PTPN4: variants seen among roughly 807,000 people sequenced by gnomAD.
PTPN4 encodes the protein tyrosine-protein phosphatase non-receptor type 4.
PTPN4 carries 49 observed loss-of-function variants against 135.5 expected under a neutral mutation model. The observed-to-expected ratio is 0.36, with a 90% CI of 0.29 to 0.46. The LOEUF (loss-of-function observed/expected upper bound fraction) is 0.46. Among genes scored for constraint, PTPN4 ranks in the 20% least tolerant of loss-of-function variants. PTPN4 has a pLI of 1.00. For missense variants in PTPN4, 860 were observed against 1,101.0 expected (o/e 0.78, Z 3.10); for synonymous variants, 333 against 369.9 (o/e 0.90, Z 1.14).
intron 10 of PTPN4, among the ~76,000 whole-genome samples, chr2:119,912,337 G>A (rs1263328488): frequency 2.6e-5 from 4 of 152,170 alleles, no homozygotes; most frequent in Non-Finnish European, 5.9e-5. Context: ...GGAAGTGATA[G>A]ATATGTTCAC....
At chr2:119,945,281 T>C in intron 16 of PTPN4, 41 bp downstream of exon 16, 9 of 1,472,194 alleles carry the variant, frequency 6.1e-6, no homozygotes, top group Non-Finnish European at 8.1e-6. Context: ...TATTTGAATT[T>C]TTAAAATCCT....
chr2:119,946,750 A>C (rs1282901995), intron 18 of PTPN4, 176 bp downstream of exon 18: 4 of 519,914 alleles, frequency 7.7e-6, no homozygotes, highest in Non-Finnish European at 1.3e-5. Context: ...TGTTCTCTGT[A>C]AGTATTTAAA....
At chr2:119,765,914 C>CTCTG (rs143314830) in intron 1 of PTPN4, among the ~76,000 whole-genome samples, 1 of 150,260 alleles carries the variant, frequency 6.7e-6, no homozygotes, top group Non-Finnish European at 1.5e-5. Context: ...GTGTGTGAAT[C>CTCTG]TGTGTGTGTG....
In PTPN4 at chr2:119,835,019, G is replaced by A. The variant is rs1305572755; in HGVS notation, c.138+25028G>A. Among the ~76,000 whole-genome samples the A allele has an allele frequency of 4.6e-5, 7 of 152,210 alleles. No individual in the cohort carries two copies. The East Asian group carries it at 7.7e-4, about 17-fold the overall frequency. On this transcript the variant is annotated intron_variant, in intron 2 of 26. Coordinates refer to ENST00000263708, the MANE Select transcript of PTPN4 (RefSeq NM_002830.4). Reference sequence around the variant, plus strand: ...AGCATTTTTCATTTTCAACGATAGCGTCCATACTTTGTATTTGGAGTACTG... The same window carrying A: ...AGCATTTTTCATTTTCAACGATAGCATCCATACTTTGTATTTGGAGTACTG...
chr2:119,760,446 C>T, intron 1 of PTPN4, 62 bp downstream of exon 1: 2 of 389,102 alleles, frequency 5.1e-6, no homozygotes, highest in South Asian at 1.4e-4. Flanking sequence ...GAGGCTCTTA[C>T]CTGCATGTGT....
At chr2:119,864,965 C>T (rs1001609858) in intron 3 of PTPN4, among the ~76,000 whole-genome samples, 4 of 152,078 alleles carry the variant, frequency 2.6e-5, no homozygotes, top group African/African-American at 9.7e-5. Flanking sequence ...GATTATCTAG[C>T]CTCACACTCT....
Position 119,946,433 on chromosome 2 carries a change from G to A in PTPN4, c.1599+9G>A, listed in dbSNP as rs771241533. 5 of 1,602,828 alleles carry A rather than the reference G, an allele frequency of 3.1e-6. No individual in the cohort carries two copies. The South Asian group carries it at 5.6e-5, about 18-fold the overall frequency. On this transcript the variant is annotated intron_variant, in intron 17 of 26. Coordinates refer to ENST00000263708, the MANE Select transcript of PTPN4 (RefSeq NM_002830.4). The stretch of plus-strand genomic sequence containing the variant: ...TTGGATTCAATGTAAAGGTAATCTG[G>A]AATTTATTTTATACTCAGTTTTTAA...
At chr2:119,954,977 C>A (rs749723136) in intron 19 of PTPN4, among the ~76,000 whole-genome samples, 180 bp from the exon 20 acceptor site, 2 of 152,126 alleles carry the variant, frequency 1.3e-5, no homozygotes, top group African/African-American at 4.8e-5. Flanking sequence ...CAGCAAAGCC[C>A]CTCAACTCCA....
chr2:119,967,291 CA>C (rs1679458006), intron 25 of PTPN4, among the ~76,000 whole-genome samples: 2 of 151,582 alleles, frequency 1.3e-5, no homozygotes, highest in Admixed American at 6.6e-5. Context: ...ACTAAAAATA[CA>C]AAAAAAATTA....
chr2:119,764,453 C>T (rs1335882655), intron 1 of PTPN4, among the ~76,000 whole-genome samples: 1 of 152,138 alleles, frequency 6.6e-6, no homozygotes, highest in African/African-American at 2.4e-5. Context: ...CCTTTGTCCT[C>T]GTTTCCATAA....
At chr2:119,807,201 A>G (rs1227330518) in intron 1 of PTPN4, among the ~76,000 whole-genome samples, 1 of 152,230 alleles carries the variant, frequency 6.6e-6, no homozygotes, top group Non-Finnish European at 1.5e-5. Flanking sequence ...TTCAAAAGCT[A>G]GCAGAAGGCA....
intron 1 of PTPN4, among the ~76,000 whole-genome samples, chr2:119,807,066 C>T (rs930516815): frequency 2.0e-5 from 3 of 152,004 alleles, no homozygotes; most frequent in Non-Finnish European, 2.9e-5. Context: ...ATCTCTGGGA[C>T]AACTTAAAGC....
intron 13 of PTPN4, chr2:119,932,189 T>C (rs978251021): frequency 1.1e-5 from 3 of 262,772 alleles, no homozygotes; most frequent in African/African-American, 6.7e-5. Context: ...CTCATCCTTC[T>C]TATTGTCTAT....
intron 5 of PTPN4, among the ~76,000 whole-genome samples, chr2:119,880,886 G>A (rs1220489567): frequency 2.0e-5 from 3 of 151,858 alleles, no homozygotes; most frequent in African/African-American, 7.3e-5. Context: ...TTGGTAATTT[G>A]AATATTGTCA....
chr2:119,964,718 A>G (rs1286840128), intron 24 of PTPN4, among the ~76,000 whole-genome samples: 1 of 152,236 alleles, frequency 6.6e-6, no homozygotes. Context: ...TTAAATGGAT[A>G]CAACTATTTC....
chr2:119,766,447 C>CGTGTGT (rs1194960232), intron 1 of PTPN4, among the ~76,000 whole-genome samples: 5 of 63,102 alleles, frequency 7.9e-5, no homozygotes, highest in African/African-American at 3.0e-4. Context: ...CGCATGTGCG[C>CGTGTGT]GCGTGTGTGT....
chr2:119,959,329 AAAAAG>A (rs775739355), intron 22 of PTPN4, among the ~76,000 whole-genome samples: 33 of 152,208 alleles, frequency 2.2e-4, no homozygotes, highest in Non-Finnish European at 3.5e-4. Context: ...TGCAGTTTAC[AAAAAG>A]AAAAGTGCAA....
At chr2:119,832,062 G>A (rs1677227488) in intron 2 of PTPN4, among the ~76,000 whole-genome samples, 1 of 152,160 alleles carries the variant, frequency 6.6e-6, no homozygotes, top group South Asian at 2.1e-4. Context: ...ATAGCTCATA[G>A]AAAGCTTGTG....
At chr2:119,878,708 T>A (rs1263306682) in intron 5 of PTPN4, among the ~76,000 whole-genome samples, 4 of 149,856 alleles carry the variant, frequency 2.7e-5, no homozygotes, top group African/African-American at 7.4e-5. Flanking sequence ...TTTTTTTTTT[T>A]AACAAATGGG....
Sources: allele counts gnomAD v4.1 joint callset (sites outside exome capture counted in the v4.1 genomes callset), GRCh38; gene constraint gnomAD v4.1.1; transcripts MANE v1.5; gene names NCBI Gene and HGNC (gene_info 2026-07-23, HGNC 2026-07-21).